The following TMEM132B variants were observed in gnomAD, a reference collection of about 807,000 sequenced individuals.
TMEM132B encodes transmembrane protein 132B.
A neutral mutation model predicts 90.8 loss-of-function variants in TMEM132B; 18 were observed. That is an observed-to-expected ratio of 0.20 (90% confidence interval 0.14 to 0.29). TMEM132B has a LOEUF of 0.29. Ranked by LOEUF, TMEM132B falls within the 10% of genes least tolerant of loss-of-function variation. The pLI, the probability that TMEM132B is intolerant of heterozygous loss-of-function variation, is 1.00. For missense variants in TMEM132B, 1,096 were observed against 1,326.8 expected (o/e 0.83, Z 2.70); for synonymous variants, 504 against 523.3 (o/e 0.96, Z 0.50).
chr12:125,636,976 A>C (rs565072301), intron 5 of TMEM132B, among the ~76,000 whole-genome samples: 1 of 152,188 alleles, frequency 6.6e-6, no homozygotes, highest in Admixed American at 6.5e-5. Flanking sequence ...CCTTCTTATC[A>C]GCTTATGTGG....
chr12:125,652,696 T>A lies in TMEM132B; in HGVS notation c.2106+64T>A, dbSNP rs560348491. The A allele has an allele frequency of 1.4e-4, 208 of 1,536,058 alleles. 1 individual carries two copies. In the African/African-American group the frequency reaches 2.5e-3, roughly 19 times the overall value. On this transcript the variant is annotated intron_variant, in intron 8 of 8. Coordinates refer to ENST00000682704, the MANE Select transcript of TMEM132B (RefSeq NM_001366854.1). Reference sequence around the variant, plus strand: ...GATGACTTCTCTCTCAGTTAGCACATCCTGCGAAGGAGAGCAGGAGAGCCC... The same window carrying A: ...GATGACTTCTCTCTCAGTTAGCACAACCTGCGAAGGAGAGCAGGAGAGCCC...
intron 3 of TMEM132B, among the ~76,000 whole-genome samples, chr12:125,416,409 G>GA (rs1373540554): frequency 6.6e-6 from 1 of 152,268 alleles, no homozygotes; most frequent in Non-Finnish European, 1.5e-5. Flanking sequence ...TTTCTCCCAG[G>GA]AGGGGGCTCG....
chr12:125,245,137 A>G (rs143995889), intron 1 of TMEM132B, among the ~76,000 whole-genome samples: 1 of 152,072 alleles, frequency 6.6e-6, no homozygotes, highest in Non-Finnish European at 1.5e-5. Flanking sequence ...CAACAAAAGT[A>G]CTTTTGTTGG....
chr12:125,427,997 CT>C (rs34770143), intron 3 of TMEM132B, among the ~76,000 whole-genome samples: 139,137 of 146,454 alleles, frequency 0.95, 66,332 homozygotes, highest in South Asian at 1. Flanking sequence ...ATGGAAAGTA[CT>C]TTTTTTTTTT....
intron 3 of TMEM132B, among the ~76,000 whole-genome samples, chr12:125,419,505 G>A (rs954227646): frequency 6.6e-6 from 1 of 152,184 alleles, no homozygotes; most frequent in African/African-American, 2.4e-5. Flanking sequence ...CACAAGAATA[G>A]CATGAGAAAG....
rs947112256 is a variant in TMEM132B at position 125,293,239 on chromosome 12, G to T, written c.68-56213G>T. On this transcript the variant is annotated intron_variant, in intron 1 of 8. Transcript: ENST00000682704. Reference sequence around the variant, plus strand: ...ATGGACAAGAGGACCTGCTGCCCTTGTATTACTTTATTGAGTCAATTCTTA... The same window carrying T: ...ATGGACAAGAGGACCTGCTGCCCTTTTATTACTTTATTGAGTCAATTCTTA... Among the ~76,000 whole-genome samples the T allele has an allele frequency of 6.6e-5, 10 of 152,206 alleles. 1 individual carries two copies. Among genetic ancestry groups the T allele is most frequent in the African/African-American group, 2.4e-4 (10 of 41,458 alleles).
At chr12:125,559,225 G>T (rs755114190) in intron 4 of TMEM132B, among the ~76,000 whole-genome samples, 1 of 152,078 alleles carries the variant, frequency 6.6e-6, no homozygotes, top group Non-Finnish European at 1.5e-5. Flanking sequence ...AATTAGCGGG[G>T]TGTGGTGGCT....
intron 2 of TMEM132B, among the ~76,000 whole-genome samples, chr12:125,354,637 T>G (rs1323580325): frequency 6.6e-6 from 1 of 152,208 alleles, no homozygotes; most frequent in Non-Finnish European, 1.5e-5. Flanking sequence ...TGCCAATTCA[T>G]TATGCGTGTT....
chr12:125,560,828 T>A (rs1343700805), intron 4 of TMEM132B, among the ~76,000 whole-genome samples: 1 of 24,906 alleles, frequency 4.0e-5, no homozygotes, highest in Admixed American at 9.1e-4. Context: ...CGAGACTCTG[T>A]CTCAAAAAAA....
chr12:125,337,678 G>C (rs973417286), intron 1 of TMEM132B, among the ~76,000 whole-genome samples: 3 of 152,168 alleles, frequency 2.0e-5, no homozygotes, highest in African/African-American at 7.2e-5. Context: ...TTGTTATCTA[G>C]ATTAAGGGTG....
chr12:125,350,969 A>G (rs962057327), intron 2 of TMEM132B, among the ~76,000 whole-genome samples: 2 of 152,234 alleles, frequency 1.3e-5, no homozygotes, highest in Non-Finnish European at 2.9e-5. Flanking sequence ...AGCTAGCCTT[A>G]TGCTGCTAGA....
At chr12:125,588,939 A>T (rs565768369) in intron 5 of TMEM132B, among the ~76,000 whole-genome samples, 1 of 152,348 alleles carries the variant, frequency 6.6e-6, no homozygotes, top group Non-Finnish European at 1.5e-5. Flanking sequence ...GGATGATTAA[A>T]TAAGAATGTA....
chr12:125,492,323 G>A lies in TMEM132B; in HGVS notation c.1107-27116G>A, dbSNP rs575975876. Among the ~76,000 whole-genome samples the A allele has an allele frequency of 2.4e-4, 36 of 152,304 alleles. No individual in the cohort carries two copies. Among genetic ancestry groups the A allele is most frequent in the Admixed American group, 7.2e-4 (11 of 15,306 alleles). ...GCTCACCATTCCTTAGCGGGCTCTC[G>A]CGTGTCCTCCAAACACTGCTGCATG... On this transcript the variant is annotated intron_variant, in intron 3 of 8. Coordinates refer to ENST00000682704, the MANE Select transcript of TMEM132B (RefSeq NM_001366854.1). This position sits in a 1 kb window ranked among gnomAD's most constrained non-coding sequence, Gnocchi z 5.8.
rs1426833090 is a variant in TMEM132B, at chr12:125,498,580, A to AC, written c.1107-20857dup. ...CGTCTTGTTAGCCTGTGTTTTATAAACCAGCCAGGCTGGTCCCCTGGTGGA... is the reference window on the plus strand; with the variant it reads ...CGTCTTGTTAGCCTGTGTTTTATAAACCCAGCCAGGCTGGTCCCCTGGTGGA... On this transcript the variant is annotated intron_variant, in intron 3 of 8. Transcript: ENST00000682704. The surrounding 1 kb of genome is among the most constrained non-coding windows in gnomAD (Gnocchi z 4.5). 1.3e-5 allele frequency among the ~76,000 whole-genome samples: 2 copies of AC among 152,188 alleles called. No individual in the cohort carries two copies. Among genetic ancestry groups the AC allele is most frequent in the African/African-American group, 4.8e-5 (2 of 41,430 alleles).
chr12:125,641,014 G>A (rs1210402330), intron 5 of TMEM132B, among the ~76,000 whole-genome samples: 2 of 151,990 alleles, frequency 1.3e-5, no homozygotes, highest in Non-Finnish European at 2.9e-5. Context: ...GGAAGTGTTA[G>A]GTGACTTGTC....
rs1468361905 is a variant in TMEM132B at position 125,661,310 on chromosome 12, T to C, written c.*6600T>C. 1 of 152,198 alleles carries C rather than the reference T, an allele frequency of 6.6e-6. No homozygotes were observed. Among genetic ancestry groups the C allele is most frequent in the East Asian group, 1.9e-4 (1 of 5,194 alleles). The allele number at this position is 152,198 out of a possible 1,614,324, so 9.4% of individuals were successfully genotyped here. ...ATGTATTTCCCACATAGTAGAAGCA[T>C]TTTCCATTTCCATGAATATTACAGG... is the stretch of plus-strand genomic sequence containing the variant. On this transcript the variant is annotated 3_prime_UTR_variant, in exon 9 of 9. Coordinates refer to ENST00000682704, the MANE Select transcript of TMEM132B (RefSeq NM_001366854.1).
chr12:125,203,147 T>G (rs1873103915), intron 1 of TMEM132B, among the ~76,000 whole-genome samples: 1 of 152,194 alleles, frequency 6.6e-6, no homozygotes, highest in Non-Finnish European at 1.5e-5. Context: ...TTTCCTTCCC[T>G]GCTTTACTTC....
At chr12:125,228,591 G>A (rs549542715) in intron 1 of TMEM132B, among the ~76,000 whole-genome samples, 1 of 152,346 alleles carries the variant, frequency 6.6e-6, no homozygotes, top group East Asian at 1.9e-4. Context: ...CTGGTGGGCG[G>A]AGCTGGACCT....
intron 3 of TMEM132B, among the ~76,000 whole-genome samples, chr12:125,502,638 A>G (rs1034053345): frequency 1.3e-5 from 2 of 152,246 alleles, no homozygotes; most frequent in African/African-American, 4.8e-5. Context: ...GTCACTGATT[A>G]TACCAAATTC....
Sources: allele counts gnomAD v4.1 joint callset (sites outside exome capture counted in the v4.1 genomes callset), GRCh38; gene constraint gnomAD v4.1.1; non-coding constraint Gnocchi (gnomAD v3.1); transcripts MANE v1.5; gene names NCBI Gene and HGNC (gene_info 2026-07-23, HGNC 2026-07-21).